KIF26B: variants seen among roughly 807,000 people sequenced by gnomAD.
KIF26B encodes kinesin-like protein KIF26B.
In KIF26B, 63 loss-of-function variants were observed where a neutral mutation model predicts 151.2. That is an observed-to-expected ratio of 0.42 (90% CI 0.34 to 0.51). The LOEUF is 0.51. Among genes scored for constraint, KIF26B ranks in the 20% least tolerant of loss-of-function variants. The probability of loss-of-function intolerance (pLI) is 0.07; values close to 1 mark genes in which losing one functional copy is unlikely to be tolerated. For missense variants in KIF26B, 2,813 were observed against 2,913.6 expected (o/e 0.97, Z 0.79); for synonymous variants, 1,357 against 1,262.1 (o/e 1.08, Z -1.59).
intron 4 of KIF26B, among the ~76,000 whole-genome samples, chr1:245,491,153 C>A (rs899390859): frequency 6.6e-6 from 1 of 151,460 alleles, no homozygotes; most frequent in African/African-American, 2.4e-5. Flanking sequence ...TTTTTTAAGA[C>A]AGCATATTTG....
At chr1:245,370,637 C>T (rs978710964) in intron 3 of KIF26B, 6 of 456,542 alleles carry the variant, frequency 1.3e-5, no homozygotes, top group Admixed American at 2.3e-5. Context: ...GCTGCGCCAG[C>T]GCTGATGAGC....
chr1:245,208,219 T>C (rs1669445003), intron 2 of KIF26B, among the ~76,000 whole-genome samples: 1 of 152,212 alleles, frequency 6.6e-6, no homozygotes, highest in East Asian at 1.9e-4. Context: ...AAGCAATGAT[T>C]GCACATAATT....
chr1:245,688,756 G>A lies in KIF26B; in HGVS notation c.5773G>A (p.Val1925Met), dbSNP rs1178212581. 2 of 1,600,646 alleles carry A rather than the reference G, an allele frequency of 1.2e-6. No homozygotes were observed. The highest frequency in any genetic ancestry group is 1.7e-6 in the Non-Finnish European group (2 of 1,171,838). The change falls in exon 12 of 15, where the codon GTG (valine) becomes ATG (methionine). Residue 1925 changes from valine (V) to methionine (M), a missense_variant. Coordinates refer to ENST00000407071, the MANE Select transcript of KIF26B (RefSeq NM_018012.4). ...QDSTSENSSS[V>M]GGRCRSLKTP... is the part of the protein sequence containing the mutation. ...CTCCACGAGCGAGAACAGCAGCTCCGTGGGCGGCAGGTGCCGGAGCCTCAA... is the reference window on the plus strand; with the variant it reads ...CTCCACGAGCGAGAACAGCAGCTCCATGGGCGGCAGGTGCCGGAGCCTCAA...
chr1:245,482,137 G>A (rs1323904903), intron 4 of KIF26B, among the ~76,000 whole-genome samples: 1 of 151,764 alleles, frequency 6.6e-6, no homozygotes, highest in Non-Finnish European at 1.5e-5. Flanking sequence ...TGTCACCCAG[G>A]CTGGAGTGCA....
rs1018209316 is a variant in KIF26B, at chr1:245,640,151, A to G, written c.2099-5970A>G. 6.0e-4 allele frequency among the ~76,000 whole-genome samples: 13 copies of G among 21,662 alleles called. 1 individual carries two copies. The highest frequency in any genetic ancestry group is 2.9e-3 in the African/African-American group (13 of 4,462). The allele number at this position is 21,662 out of a possible 152,430, so 14.2% of individuals were successfully genotyped here. A position where few individuals can be genotyped will look rare whatever the true frequency, so the allele number is the denominator to read the frequency against. On this transcript the variant is annotated intron_variant, in intron 9 of 14. Transcript: ENST00000407071. The stretch of plus-strand genomic sequence containing the variant: ...TCTCTCTCTCTCTCTCTCTATATAT[A>G]TATATATATACCCTGCTATTTGGTT...
chr1:245,199,041 G>A (rs1356710816), intron 2 of KIF26B, among the ~76,000 whole-genome samples: 7 of 151,950 alleles, frequency 4.6e-5, no homozygotes, highest in African/African-American at 7.2e-5. Flanking sequence ...GGGCATCTAA[G>A]TTCACTTCAT....
intron 2 of KIF26B, among the ~76,000 whole-genome samples, chr1:245,164,772 G>A (rs528491293): frequency 1.9e-4 from 29 of 152,168 alleles, no homozygotes; most frequent in Non-Finnish European, 3.8e-4. Context: ...GATCAGATAT[G>A]CATTTAAGAA....
rs534536246 is a variant in KIF26B, at chr1:245,616,257, T to TA, written c.2098+4285dup. Reference sequence around the variant, plus strand: ...GTTAAGCTTAAAATATCTCCCTGTTTAAAAGCTCATTGGAATTAGTGGGAC... The same window carrying TA: ...GTTAAGCTTAAAATATCTCCCTGTTTAAAAAGCTCATTGGAATTAGTGGGAC... On this transcript the variant is annotated intron_variant, in intron 9 of 14. Coordinates refer to ENST00000407071, the MANE Select transcript of KIF26B (RefSeq NM_018012.4). 1.2e-3 allele frequency among the ~76,000 whole-genome samples: 185 copies of TA among 152,372 alleles called. 2 individuals are homozygous for TA. The highest frequency in any genetic ancestry group is 0.012 in the South Asian group (57 of 4,832).
chr1:245,365,058 G>T (rs1672912658), intron 2 of KIF26B, among the ~76,000 whole-genome samples: 1 of 152,160 alleles, frequency 6.6e-6, no homozygotes, highest in African/African-American at 2.4e-5. Context: ...AGAAATCTAG[G>T]CATAGTCCAC....
Position 245,597,134 on chromosome 1 carries a change from G to A in KIF26B, c.1351-5443G>A, listed in dbSNP as rs1161183289. On this transcript the variant is annotated intron_variant, in intron 5 of 14. Transcript: ENST00000407071. This position sits in a 1 kb window ranked among gnomAD's most constrained non-coding sequence, Gnocchi z 4.6. ...GGGCATTTAGCCCATTTACATTTAA[G>A]GTTAATATTGTTATGTGTGAATTTG... Among the ~76,000 whole-genome samples, 1 of 152,118 alleles carries A rather than the reference G, an allele frequency of 6.6e-6. No homozygotes were observed. Among genetic ancestry groups the A allele is most frequent in the Non-Finnish European group, 1.5e-5 (1 of 68,020 alleles).
chr1:245,365,723 A>G (rs1210592841), intron 2 of KIF26B, among the ~76,000 whole-genome samples: 2 of 151,864 alleles, frequency 1.3e-5, no homozygotes, highest in Non-Finnish European at 2.9e-5. Flanking sequence ...CACAGCCCAC[A>G]CTCTCCTATC....
Position 245,707,826 on chromosome 1 carries a change from G to T in KIF26B, c.*5220G>T, listed in dbSNP as rs1179208647. ...TCCACGCCCACCGGCTTGCACGGAA[G>T]AGGACTCAGCCTCTTCCTAATGGTT... On this transcript the variant is annotated 3_prime_UTR_variant, in exon 15 of 15. Transcript: ENST00000407071. 6.6e-6 allele frequency: 1 copy of T among 152,234 alleles called. No homozygotes were observed. The highest frequency in any genetic ancestry group is 1.5e-5 in the Non-Finnish European group (1 of 68,046). 9.4% of individuals were successfully genotyped at this position (152,234 alleles called of 1,614,324 possible). A position where few individuals can be genotyped will look rare whatever the true frequency, so the allele number is the denominator to read the frequency against.
chr1:245,377,004 T>C (rs1673292486), intron 3 of KIF26B, among the ~76,000 whole-genome samples: 1 of 149,704 alleles, frequency 6.7e-6, no homozygotes, highest in Non-Finnish European at 1.5e-5. Context: ...AACCTCTGCC[T>C]CCTGGGTTCA....
chr1:245,701,457 G>A (rs2044771246), intron 14 of KIF26B, among the ~76,000 whole-genome samples: 3 of 151,938 alleles, frequency 2.0e-5, no homozygotes, highest in South Asian at 2.1e-4. Flanking sequence ...CAGGGCCTTC[G>A]GTCTCCTTCC....
chr1:245,466,104 G>C lies in KIF26B; in HGVS notation c.1166+46359G>C, dbSNP rs540326724. 5.9e-5 allele frequency among the ~76,000 whole-genome samples: 9 copies of C among 152,376 alleles called. No individual in the cohort carries two copies. The South Asian group carries it at 1.9e-3, about 32-fold the overall frequency. On this transcript the variant is annotated intron_variant, in intron 4 of 14. Transcript: ENST00000407071. ...CCCAAACACACCAAATGTGGCATAT[G>C]TTTTCAGGGGATCCATATACCCCTT...
rs1021868726 is a variant in KIF26B at position 245,687,602 on chromosome 1, C to T, written c.4619C>T (p.Ala1540Val). 3 of 1,563,810 alleles carry T rather than the reference C, an allele frequency of 1.9e-6. No homozygotes were observed. Among genetic ancestry groups the T allele is most frequent in the Admixed American group, 1.9e-5 (1 of 52,604 alleles). The change falls in exon 12 of 15, where the codon GCC (alanine) becomes GTC (valine). Residue 1540 changes from alanine to valine, a missense_variant. Physicochemically the swap from Ala to Val is moderately conservative, Grantham distance 64. Transcript: ENST00000407071. The surrounding 1 kb of genome is among the most constrained non-coding windows in gnomAD (Gnocchi z 4.9). ...GTCAAGTCCAGCAGCCTTCCCAGGGCCTTTCAGAAGGCCAGCCGGCAGGAG... is the reference window on the plus strand; with the variant it reads ...GTCAAGTCCAGCAGCCTTCCCAGGGTCTTTCAGAAGGCCAGCCGGCAGGAG... ...KSVKSSSLPR[A>V]FQKASRQEEP...
chr1:245,474,659 T>A (rs1659994097), intron 4 of KIF26B, among the ~76,000 whole-genome samples: 1 of 151,754 alleles, frequency 6.6e-6, no homozygotes, highest in South Asian at 2.1e-4. Context: ...GTGATCCGCC[T>A]GCCTTGGCCT....
At chr1:245,288,753 C>T (rs1671207959) in intron 2 of KIF26B, among the ~76,000 whole-genome samples, 2 of 152,132 alleles carry the variant, frequency 1.3e-5, no homozygotes, top group South Asian at 4.1e-4. Context: ...CTTATAACCT[C>T]CCTATAATTA....
intron 4 of KIF26B, among the ~76,000 whole-genome samples, chr1:245,483,385 G>A (rs1421914992): frequency 6.6e-6 from 1 of 151,842 alleles, no homozygotes; most frequent in African/African-American, 2.4e-5. Flanking sequence ...AGCTGGGGTT[G>A]CAATCCAGGT....
Sources: allele counts gnomAD v4.1 joint callset (sites outside exome capture counted in the v4.1 genomes callset), GRCh38; gene constraint gnomAD v4.1.1; non-coding constraint Gnocchi (gnomAD v3.1); transcripts MANE v1.5; gene names NCBI Gene and HGNC (gene_info 2026-07-23, HGNC 2026-07-21).